PLEKHA2: variants seen among roughly 807,000 people sequenced by gnomAD.
PLEKHA2 encodes the protein pleckstrin homology domain-containing family A member 2.
Under a neutral mutation model 53.2 loss-of-function variants are expected in PLEKHA2, and 28 were observed. The observed-to-expected ratio is 0.53, with a 90% CI of 0.39 to 0.72. The LOEUF (loss-of-function observed/expected upper bound fraction) is 0.72. Ranked by LOEUF, PLEKHA2 falls within the 30% of genes least tolerant of loss-of-function variation. PLEKHA2 has a pLI of 0.00. For missense variants in PLEKHA2, 426 were observed against 537.9 expected, an observed-to-expected ratio of 0.79 and a Z score of 2.06; for synonymous variants, 193 against 196.4, an observed-to-expected ratio of 0.98 and a Z score of 0.14.
At chr8:38,921,414 T>C (rs917017356) in intron 2 of PLEKHA2, among the ~76,000 whole-genome samples, 1 of 152,256 alleles carries the variant, frequency 6.6e-6, no homozygotes, top group Non-Finnish European at 1.5e-5. Flanking sequence ...AGTTGGATCT[T>C]TCTTCACACC....
chr8:38,934,192 G>A (rs908834409), intron 2 of PLEKHA2, among the ~76,000 whole-genome samples: 26 of 152,012 alleles, frequency 1.7e-4, no homozygotes, highest in Non-Finnish European at 7.4e-5. Context: ...TAGAGACGGC[G>A]TTTCACTATG....
intron 3 of PLEKHA2, among the ~76,000 whole-genome samples, chr8:38,941,001 A>G (rs1285607801): frequency 6.6e-6 from 1 of 151,848 alleles, no homozygotes; most frequent in Non-Finnish European, 1.5e-5. Context: ...TTTCTGGGCA[A>G]TCATCTTGCA....
chr8:38,956,519 A>T (rs1420200108), intron 9 of PLEKHA2, among the ~76,000 whole-genome samples: 3 of 152,180 alleles, frequency 2.0e-5, no homozygotes, highest in African/African-American at 7.2e-5. Flanking sequence ...GCATAGGCTC[A>T]CTGGGTTCAG....
At position 38,920,459 on chromosome 8, in the gene PLEKHA2, G is replaced by C. The variant is rs140024741; in HGVS notation, c.141+2389G>C. On this transcript the variant is annotated intron_variant, in intron 2 of 11. Transcript: ENST00000617275. The stretch of plus-strand genomic sequence containing the variant: ...ATGAGCCACTTTGTTACTTTTAGTA[G>C]AGACAAGGTTTTACCATGTTGGCCA... 5.8e-3 allele frequency among the ~76,000 whole-genome samples: 878 copies of C among 151,808 alleles called. 4 individuals are homozygous for C. The highest frequency in any genetic ancestry group is 9.5e-3 in the Non-Finnish European group (645 of 67,926).
At chr8:38,957,520 C>A in intron 10 of PLEKHA2, 134 bp downstream of exon 10, 1 of 684,000 alleles carries the variant, frequency 1.5e-6, no homozygotes, top group Non-Finnish European at 2.5e-6. Flanking sequence ...CCCTGAGAGT[C>A]AGTCTGAGTC....
intron 2 of PLEKHA2, among the ~76,000 whole-genome samples, chr8:38,933,665 A>T (rs1277471463): frequency 6.6e-6 from 1 of 151,406 alleles, no homozygotes. Context: ...AGCGGTTCTC[A>T]TTCCCTTCTA....
chr8:38,929,874 T>G (rs958339489), intron 2 of PLEKHA2, among the ~76,000 whole-genome samples: 3 of 150,962 alleles, frequency 2.0e-5, no homozygotes, highest in Non-Finnish European at 4.4e-5. Flanking sequence ...TGTGAGTTTA[T>G]GGATCGATAG....
intron 1 of PLEKHA2, among the ~76,000 whole-genome samples, chr8:38,907,675 C>A (rs112736180): frequency 0.032 from 4,774 of 151,088 alleles, 236 homozygotes; most frequent in African/African-American, 0.11. Flanking sequence ...GTGGGAGGAT[C>A]GCATGAGCCC....
At chr8:38,955,528 C>T (rs7007530) in intron 9 of PLEKHA2, among the ~76,000 whole-genome samples, 136,965 of 152,216 alleles carry the variant, frequency 0.9, 61,790 homozygotes, top group African/African-American at 0.96. Flanking sequence ...TGTTTTATAC[C>T]TGGGGTCACA....
At chr8:38,911,042 A>G (rs1833946205) in intron 1 of PLEKHA2, among the ~76,000 whole-genome samples, 1 of 152,076 alleles carries the variant, frequency 6.6e-6, no homozygotes, top group African/African-American at 2.4e-5. Context: ...AACACGAGGG[A>G]GGTTTGGCTA....
chr8:38,952,525 G>A, intron 7 of PLEKHA2, 111 bp from the exon 8 acceptor site: 1 of 1,361,350 alleles, frequency 7.3e-7, no homozygotes, highest in Non-Finnish European at 1.0e-6. Flanking sequence ...CCTGCTGAAT[G>A]TGGGAGCCGG....
At chr8:38,918,340 T>A (rs1588239113) in intron 2 of PLEKHA2, among the ~76,000 whole-genome samples, 1 of 131,384 alleles carries the variant, frequency 7.6e-6, no homozygotes, top group East Asian at 2.4e-4. Context: ...ACACGACACA[T>A]ACACACATGC....
intron 3 of PLEKHA2, among the ~76,000 whole-genome samples, chr8:38,937,870 C>A (rs28522832): frequency 1.3e-5 from 2 of 152,180 alleles, no homozygotes; most frequent in South Asian, 4.1e-4. Flanking sequence ...CGCTTGCCAC[C>A]GTGTCAGGTG....
chr8:38,969,672 TG>T lies in PLEKHA2; in HGVS notation c.1171del (p.Val391CysfsTer7). On this transcript the variant is annotated frameshift_variant, in exon 12 of 12. Coordinates refer to ENST00000617275, the MANE Select transcript of PLEKHA2 (RefSeq NM_021623.2). LOFTEE classifies it high-confidence loss of function. ...CTCGTCCTGGGGAGGGCAGCGCTCC[TG>T]GGGTGCTGCCCAGCTCCCGGATAAG... Reference protein sequence around the residue: ...TPRPGEGSAPGVLPSSRIRHR... With the variant: ...TPRPGEGSAPXVLPSSRIRHR... 8 of 1,586,188 alleles carry T rather than the reference TG, an allele frequency of 5.0e-6. No individual in the cohort carries two copies. Among genetic ancestry groups the T allele is most frequent in the African/African-American group, 1.3e-5 (1 of 74,314 alleles).
chr8:38,965,338 G>C (rs1022171820), intron 10 of PLEKHA2, among the ~76,000 whole-genome samples: 2 of 152,166 alleles, frequency 1.3e-5, no homozygotes, highest in African/African-American at 4.8e-5. Flanking sequence ...TGGCCTGTGG[G>C]GGTAGCATTT....
intron 4 of PLEKHA2, 78 bp downstream of exon 4, chr8:38,943,915 A>T: frequency 8.1e-7 from 1 of 1,238,480 alleles, no homozygotes; most frequent in Non-Finnish European, 1.1e-6. Context: ...CAGTCCTGTG[A>T]TCACATGTGA....
At chr8:38,920,601 T>A (rs1436013982) in intron 2 of PLEKHA2, among the ~76,000 whole-genome samples, 1 of 147,492 alleles carries the variant, frequency 6.8e-6, no homozygotes, top group Non-Finnish European at 1.5e-5. Flanking sequence ...ATTTGGGATC[T>A]TACTCCGTTG....
rs911420176 is a variant in PLEKHA2, at chr8:38,920,575, G to GT, written c.141+2518dup. Among the ~76,000 whole-genome samples the GT allele has an allele frequency of 2.6e-3, 345 of 133,912 alleles. 1 individual carries two copies. Among genetic ancestry groups the GT allele is most frequent in the Middle Eastern group, 4.3e-3 (1 of 230 alleles). The allele number at this position is 133,912 out of a possible 152,430, so 87.9% of individuals were successfully genotyped here. A position where few individuals can be genotyped will look rare whatever the true frequency, so the allele number is the denominator to read the frequency against. ...CAGGCATGAGCCGTTGCACCTGGCC[G>GT]TTTTTTTTTTTTTCAATTTGGGATC... On this transcript the variant is annotated intron_variant, in intron 2 of 11. Transcript: ENST00000617275.
chr8:38,947,052 C>T (rs930034241), intron 5 of PLEKHA2, among the ~76,000 whole-genome samples: 9 of 152,190 alleles, frequency 5.9e-5, no homozygotes, highest in African/African-American at 1.7e-4. Context: ...AATTTGTACA[C>T]GTATATAGTA....
Sources: gnomAD v4.1 joint callset for allele counts (sites outside exome capture counted in the v4.1 genomes callset) on GRCh38, gnomAD v4.1.1 for gene constraint, MANE v1.5 for transcripts, NCBI Gene and HGNC (gene_info 2026-07-23, HGNC 2026-07-21) for gene names.